The following GNAS variants were observed in gnomAD, a reference collection of about 807,000 sequenced individuals.
GNAS encodes protein ALEX.
In GNAS, 8 loss-of-function variants were observed where a neutral mutation model predicts 54.5. The observed-to-expected ratio is 0.15, with a 90% CI of 0.09 to 0.26. The LOEUF (loss-of-function observed/expected upper bound fraction) is 0.26, where lower values mean the gene tolerates loss of function less well. Ranked by LOEUF, GNAS falls within the 10% of genes least tolerant of loss-of-function variation. The pLI is 1.00. For synonymous variants in GNAS, 204 were observed against 191.4 expected, an observed-to-expected ratio of 1.07 and a Z score of -0.54; for missense variants, 170 against 529.8, an observed-to-expected ratio of 0.32 and a Z score of 6.67.
intron 5 of GNAS, 27 bp downstream of exon 5, chr20:58,903,818 C>G (rs1433390192): frequency 6.2e-7 from 1 of 1,613,524 alleles, no homozygotes; most frequent in African/African-American, 1.3e-5. Flanking sequence ...CTTGTGTGGC[C>G]TTAGCCCCGC....
intron 3 of GNAS, among the ~76,000 whole-genome samples, chr20:58,899,289 C>G (rs1416622346): frequency 6.6e-6 from 1 of 152,180 alleles, no homozygotes; most frequent in Non-Finnish European, 1.5e-5. Context: ...CATATGGTTT[C>G]TGTTTTCCCC....
chr20:58,874,565 C>G (rs1159888414), intron 1 of GNAS, among the ~76,000 whole-genome samples: 1 of 152,252 alleles, frequency 6.6e-6, no homozygotes, highest in Non-Finnish European at 1.5e-5. Flanking sequence ...AGCTCTTGGG[C>G]TGGCCCCCGT....
intron 1 of GNAS, among the ~76,000 whole-genome samples, chr20:58,893,050 G>A (rs991871567): frequency 1.4e-5 from 2 of 146,246 alleles, no homozygotes; most frequent in African/African-American, 2.5e-5. Context: ...TTCTTGGTCT[G>A]GAAATGGCGT....
chr20:58,850,868 A>G, intron 1 of GNAS: 1 of 398,868 alleles, frequency 2.5e-6, no homozygotes, highest in Non-Finnish European at 4.4e-6. Context: ...CCACCCCAGC[A>G]GCACCTCTTC....
rs760047783 is a variant in GNAS at position 58,879,761 on chromosome 20, G to A, written c.44-15851G>A. ...TCTAGGCAGACGTGGAGAGAGAACC[G>A]TGTGGAAAGATATCTTTATGGCTAG... On this transcript the variant is annotated intron_variant, in intron 1 of 12. Transcript: ENST00000306090. Among the ~76,000 whole-genome samples the A allele has an allele frequency of 3.3e-5, 5 of 152,118 alleles. No homozygotes were observed. In the South Asian group the frequency reaches 6.2e-4, roughly 19 times the overall value.
intron 1 of GNAS, among the ~76,000 whole-genome samples, chr20:58,844,939 C>G (rs780061477): frequency 6.6e-6 from 1 of 152,210 alleles, no homozygotes; most frequent in Non-Finnish European, 1.5e-5. Flanking sequence ...AAAATGGTCT[C>G]AAAAGGCAGT....
chr20:58,855,629 C>G (rs1374774855), intron 1 of GNAS: 1 of 716,532 alleles, frequency 1.4e-6, no homozygotes, highest in East Asian at 2.7e-5. Flanking sequence ...GTAAGCTGGA[C>G]AGGCAGGGGC....
chr20:58,889,635 G>C (rs1389370965), upstream of GNAS: 2 of 152,352 alleles, frequency 1.3e-5, no homozygotes, highest in East Asian at 1.9e-4. Flanking sequence ...CGCTGTTGTT[G>C]GGTGCTTTTT....
At chr20:58,866,952 T>C (rs1288581405) in intron 1 of GNAS, among the ~76,000 whole-genome samples, 1 of 152,174 alleles carries the variant, frequency 6.6e-6, no homozygotes, top group Non-Finnish European at 1.5e-5. Context: ...TGTAGAAATA[T>C]ATTGGTAGTT....
intron 1 of GNAS, among the ~76,000 whole-genome samples, chr20:58,851,662 G>A (rs1212781833): frequency 2.0e-5 from 3 of 152,240 alleles, no homozygotes; most frequent in African/African-American, 7.2e-5. Context: ...CCTTTGGCTA[G>A]CTCTGAGCTC....
intron 1 of GNAS, among the ~76,000 whole-genome samples, chr20:58,886,211 T>C (rs574627298): frequency 5.4e-4 from 83 of 152,340 alleles, no homozygotes; most frequent in African/African-American, 1.9e-3. Context: ...ATGTGGGACG[T>C]TGTTCATTGT....
chr20:58,869,154 C>A (rs2145288), intron 1 of GNAS, among the ~76,000 whole-genome samples: 111,546 of 152,202 alleles, frequency 0.73, 40,988 homozygotes, highest in East Asian at 0.82. Flanking sequence ...CCAGATTCAC[C>A]GCCCTGGTGC....
At chr20:58,893,840 A>G (rs2089772020) in intron 1 of GNAS, among the ~76,000 whole-genome samples, 1 of 152,254 alleles carries the variant, frequency 6.6e-6, no homozygotes, top group Non-Finnish European at 1.5e-5. Flanking sequence ...ATATCTTAAA[A>G]TTTCCAACAC....
rs115404944 is a variant in GNAS at position 58,857,666 on chromosome 20, T to A, written c.43+16780T>A. 6.6e-6 allele frequency among the ~76,000 whole-genome samples: 1 copy of A among 151,818 alleles called. No homozygotes were observed. The highest frequency in any genetic ancestry group is 1.5e-5 in the Non-Finnish European group (1 of 67,958). The stretch of plus-strand genomic sequence containing the variant: ...TTGAGTCTTCTATTCTTCCTGGAGG[T>A]GGGGGGTGGAGGAGACACAGTCTAC... On this transcript the variant is annotated intron_variant, in intron 1 of 12. Coordinates refer to the GNAS transcript ENST00000306090. This position sits in a 1 kb window ranked among gnomAD's most constrained non-coding sequence, Gnocchi z 4.1.
At chr20:58,839,935 A>G (rs2085655628), upstream of GNAS, 1 of 655,882 alleles carries the variant, frequency 1.5e-6, no homozygotes, top group African/African-American at 1.8e-5. Context: ...TTAAGTGGTC[A>G]GGAAGGTAGG....
intron 2 of GNAS, 51 bp downstream of exon 2, chr20:58,895,735 A>T: frequency 9.5e-7 from 1 of 1,049,054 alleles, no homozygotes; most frequent in Non-Finnish European, 1.5e-6. Flanking sequence ...AACAGACTTT[A>T]TACTAACCTT....
Position 58,910,646 on chromosome 20 carries a change from G to C in GNAS, c.1039-37G>C. On this transcript the variant is annotated intron_variant, in intron 12 of 12. Transcript: ENST00000371085. This position sits in a 1 kb window ranked among gnomAD's most constrained non-coding sequence, Gnocchi z 5.8. Reference sequence around the variant, plus strand: ...TCAGGGATAGGGTGGTTCCTGGCGAGGGTGTCACTGACAAGTCCCCTTGTT... The same window carrying C: ...TCAGGGATAGGGTGGTTCCTGGCGACGGTGTCACTGACAAGTCCCCTTGTT... 1 of 1,613,486 alleles carries C rather than the reference G, an allele frequency of 6.2e-7. No individual in the cohort carries two copies. The highest frequency in any genetic ancestry group is 8.5e-7 in the Non-Finnish European group (1 of 1,179,462).
chr20:58,877,864 A>G (rs368346053), intron 1 of GNAS, among the ~76,000 whole-genome samples: 2 of 152,140 alleles, frequency 1.3e-5, no homozygotes, highest in African/African-American at 2.4e-5. Flanking sequence ...CTGGGCTGCT[A>G]GTGTTTAGAA....
At chr20:58,845,617 A>C (rs2085914870) in intron 1 of GNAS, among the ~76,000 whole-genome samples, 1 of 151,778 alleles carries the variant, frequency 6.6e-6, no homozygotes, top group African/African-American at 2.4e-5. Context: ...CTTACATATC[A>C]AAAGGCCATA....
Sources: gnomAD v4.1 joint callset for allele counts (sites outside exome capture counted in the v4.1 genomes callset) on GRCh38, gnomAD v4.1.1 for gene constraint, Gnocchi (gnomAD v3.1) non-coding constraint, MANE v1.5 for transcripts, NCBI Gene and HGNC (gene_info 2026-07-23, HGNC 2026-07-21) for gene names.